The following TSPAN16 variants were observed in gnomAD, a reference collection of about 807,000 sequenced individuals.
The protein encoded by TSPAN16 is tetraspanin 16.
A neutral mutation model predicts 25.2 loss-of-function variants in TSPAN16; 23 were observed. That is an observed-to-expected ratio of 0.91 (90% CI 0.66 to 1.29). The LOEUF is 1.29. Among genes scored for constraint, TSPAN16 ranks in the 50% most tolerant of loss-of-function variants. TSPAN16 has a pLI of 0.00. For synonymous variants in TSPAN16, 123 were observed against 124.4 expected, an observed-to-expected ratio of 0.99 and a Z score of 0.08; for missense variants, 272 against 299.9, an observed-to-expected ratio of 0.91 and a Z score of 0.69.
chr19:11,307,585 A>T (rs2080643619), intron 5 of TSPAN16, among the ~76,000 whole-genome samples: 1 of 149,738 alleles, frequency 6.7e-6, no homozygotes, highest in African/African-American at 2.5e-5. Flanking sequence ...TGCCTGGCTA[A>T]TTTTTTTTTA....
At chr19:11,309,827 G>A (rs995637733) in intron 5 of TSPAN16, among the ~76,000 whole-genome samples, 1 of 152,202 alleles carries the variant, frequency 6.6e-6, no homozygotes, top group East Asian at 1.9e-4. Context: ...GTGGCCAAGT[G>A]TGATGGCTCA....
At chr19:11,325,606 G>A (rs1202287995) in intron 6 of TSPAN16, 1 of 1,519,342 alleles carries the variant, frequency 6.6e-7, no homozygotes, top group East Asian at 2.4e-5. Context: ...GTTAAGGTGG[G>A]GACACTCGTA....
downstream of TSPAN16, among the ~76,000 whole-genome samples, chr19:11,319,054 G>A (rs557753620): frequency 3.9e-5 from 6 of 152,324 alleles, no homozygotes; most frequent in South Asian, 1.0e-3. Context: ...CTACAATTCA[G>A]TTCTGACACC....
chr19:11,302,528 CAAAAAAAA>C (rs71164181), intron 4 of TSPAN16, among the ~76,000 whole-genome samples: 1 of 49,272 alleles, frequency 2.0e-5, no homozygotes, highest in African/African-American at 7.9e-5. Flanking sequence ...GGCTCCATCT[CAAAAAAAA>C]AAAAAAAAAA....
intron 5 of TSPAN16, among the ~76,000 whole-genome samples, chr19:11,311,801 C>T (rs1194166891): frequency 6.6e-6 from 1 of 152,084 alleles, no homozygotes; most frequent in Non-Finnish European, 1.5e-5. Context: ...AATGGAGGTA[C>T]AGAGAGGTAT....
chr19:11,309,668 TCAC>T (rs1263323525), intron 5 of TSPAN16, among the ~76,000 whole-genome samples: 2 of 152,250 alleles, frequency 1.3e-5, no homozygotes, highest in Non-Finnish European at 2.9e-5. Flanking sequence ...CCAGCATTTA[TCAC>T]CACTTTACAG....
chr19:11,314,198 T>C (rs2080722074), intron 6 of TSPAN16, among the ~76,000 whole-genome samples: 2 of 152,078 alleles, frequency 1.3e-5, no homozygotes, highest in African/African-American at 4.8e-5. Context: ...ACGGGAAGAA[T>C]GGGGAGTGAC....
intron 6 of TSPAN16, among the ~76,000 whole-genome samples, chr19:11,314,700 G>A (rs769354093): frequency 1.3e-5 from 2 of 152,038 alleles, no homozygotes; most frequent in Non-Finnish European, 2.9e-5. Flanking sequence ...GCGCCCAGGA[G>A]CTAAAGACAT....
chr19:11,322,616 A>G (rs2080786737), intron 6 of TSPAN16: 1 of 152,202 alleles, frequency 6.6e-6, no homozygotes, highest in Admixed American at 6.5e-5. Context: ...GACCATTTCC[A>G]ATTAAACCTC....
In TSPAN16 at chr19:11,313,541, A is replaced by T. The variant is rs561449273; in HGVS notation, c.687+1319A>T. Among the ~76,000 whole-genome samples, 673 of 150,496 alleles carry T rather than the reference A, an allele frequency of 4.5e-3. 1 individual carries two copies. Among genetic ancestry groups the T allele is most frequent in the South Asian group, 5.3e-3 (25 of 4,752 alleles). On this transcript the variant is annotated intron_variant, in intron 6 of 6. Transcript: ENST00000590327. ...GACTCTGTCTCAAAAAAAAAAAAAA[A>T]ATTATATCTTAATAAAAAGACAAGT... is the stretch of plus-strand genomic sequence containing the variant.
rs768442411 is a variant in TSPAN16, at chr19:11,301,250, A to G, written c.392A>G (p.Tyr131Cys). 1 of 1,614,080 alleles carries G rather than the reference A, an allele frequency of 6.2e-7. No homozygotes were observed. The highest frequency in any genetic ancestry group is 2.2e-5 in the East Asian group (1 of 44,882). ...EHTFVTLRKN[Y>C]RGYNEPDDYS... ...ACCTTCGTGACCCTGAGGAAGAATTACAGAGGTTACAACGAGCCAGACGAC... is the reference window on the plus strand; with the variant it reads ...ACCTTCGTGACCCTGAGGAAGAATTGCAGAGGTTACAACGAGCCAGACGAC... The change falls in exon 4 of 7, where the codon TAC becomes TGC. Residue 131 changes from tyrosine to cysteine, a missense_variant. Coordinates refer to ENST00000590327, the MANE Select transcript of TSPAN16 (RefSeq NM_001282509.2).
intron 1 of TSPAN16, among the ~76,000 whole-genome samples, chr19:11,297,520 G>A (rs774479357): frequency 5.5e-5 from 5 of 90,836 alleles, no homozygotes; most frequent in African/African-American, 1.7e-4. Context: ...ATTTTGAGAC[G>A]GAGTCTTGCT....
chr19:11,316,118 G>GTGTGTGGT (rs1568295764), downstream of TSPAN16: 48 of 106,232 alleles, frequency 4.5e-4, no homozygotes, highest in African/African-American at 3.1e-3. Flanking sequence ...TGTGTGTGTG[G>GTGTGTGGT]TTTTTTTTTT....
chr19:11,315,686 C>T (rs752546346), intron 6 of TSPAN16, 105 bp from the exon 7 acceptor site: 107 of 942,542 alleles, frequency 1.1e-4, no homozygotes, highest in Non-Finnish European at 1.3e-4. Flanking sequence ...CCCTGCCCCT[C>T]GCCTTTCTGG....
At chr19:11,300,436 C>T (rs1434774919) in intron 3 of TSPAN16, among the ~76,000 whole-genome samples, 1 of 152,054 alleles carries the variant, frequency 6.6e-6, no homozygotes, top group African/African-American at 2.4e-5. Flanking sequence ...GCTCAGAGGC[C>T]AGAGAATCCT....
chr19:11,315,687 G>A lies in TSPAN16; in HGVS notation c.688-104G>A, dbSNP rs759365790. 1.4e-5 allele frequency: 13 copies of A among 947,496 alleles called. No individual in the cohort carries two copies. The Admixed American group carries it at 1.7e-4, about 13-fold the overall frequency. The allele number at this position is 947,496 out of a possible 1,614,324, so 58.7% of individuals were successfully genotyped here. ...AGCCATCTGTAAAACCCTGCCCCTC[G>A]CCTTTCTGGAACAGGATGCTCCCCT... On this transcript the variant is annotated intron_variant, in intron 6 of 6. Transcript: ENST00000590327.
At chr19:11,303,206 G>A (rs322156) in intron 4 of TSPAN16, among the ~76,000 whole-genome samples, 59,227 of 140,784 alleles carry the variant, frequency 0.42, 15,269 homozygotes, top group African/African-American at 0.75. Context: ...ATTTTGTTCT[G>A]TACTAAGAAA....
intron 1 of TSPAN16, among the ~76,000 whole-genome samples, chr19:11,297,937 A>C (rs917779962): frequency 6.7e-6 from 1 of 148,432 alleles, no homozygotes; most frequent in Non-Finnish European, 1.5e-5. Context: ...GACTACAGGC[A>C]CGCACTACTA....
downstream of TSPAN16, among the ~76,000 whole-genome samples, chr19:11,316,808 C>A (rs940463103): frequency 4.4e-5 from 6 of 135,848 alleles, no homozygotes; most frequent in Non-Finnish European, 9.2e-5. Context: ...AGACCCCCCC[C>A]GCCTTTTTTT....
Sources: allele counts gnomAD v4.1 joint callset (sites outside exome capture counted in the v4.1 genomes callset), GRCh38; gene constraint gnomAD v4.1.1; transcripts MANE v1.5; gene names NCBI Gene and HGNC (gene_info 2026-07-23, HGNC 2026-07-21).